The following OLFML2A variants were observed in gnomAD, a reference collection of about 807,000 sequenced individuals.
OLFML2A encodes the protein olfactomedin-like protein 2A.
Under a neutral mutation model 60.9 loss-of-function variants are expected in OLFML2A, and 47 were observed. That is an observed-to-expected ratio of 0.77 (90% CI 0.61 to 0.98). OLFML2A has a LOEUF of 0.98. Among genes scored for constraint, OLFML2A ranks in the 50% least tolerant of loss-of-function variants. OLFML2A has a pLI of 0.00. For missense variants in OLFML2A, 922 were observed against 879.8 expected, an observed-to-expected ratio of 1.05 and a Z score of -0.61; for synonymous variants, 372 against 375.0, an observed-to-expected ratio of 0.99 and a Z score of 0.09.
In OLFML2A at chr9:124,810,441, C is replaced by A; in HGVS notation, c.*29C>A. On this transcript the variant is annotated 3_prime_UTR_variant, in exon 8 of 8. Coordinates refer to ENST00000373580, the MANE Select transcript of OLFML2A (RefSeq NM_182487.4). Reference sequence around the variant, plus strand: ...GAGACCTGTGCTCCCCGGAGAGGGGCAGCAGTGCGGGAGGGGCTTTGCACA... The same window carrying A: ...GAGACCTGTGCTCCCCGGAGAGGGGAAGCAGTGCGGGAGGGGCTTTGCACA... 6.4e-7 allele frequency: 1 copy of A among 1,567,462 alleles called. No individual in the cohort carries two copies. The highest frequency in any genetic ancestry group is 8.6e-7 in the Non-Finnish European group (1 of 1,160,828).
chr9:124,801,121 C>G (rs898010018), intron 4 of OLFML2A: 25 of 1,456,836 alleles, frequency 1.7e-5, no homozygotes, highest in Non-Finnish European at 2.3e-5. Context: ...GTCCTTCTAG[C>G]CTGCCCCCCA....
intron 5 of OLFML2A, among the ~76,000 whole-genome samples, chr9:124,803,587 C>T (rs1257920283): frequency 6.6e-6 from 1 of 152,164 alleles, no homozygotes; most frequent in Non-Finnish European, 1.5e-5. Context: ...TCGTTCATGC[C>T]GTCTCATTTG....
intron 3 of OLFML2A, among the ~76,000 whole-genome samples, chr9:124,798,248 T>C (rs1250334596): frequency 6.6e-6 from 1 of 152,206 alleles, no homozygotes; most frequent in East Asian, 1.9e-4. Context: ...ACGCCTGTAA[T>C]CCCAGCACTT....
Position 124,777,289 on chromosome 9 carries a change from C to A in OLFML2A, c.19C>A (p.Pro7Thr). The A allele has an allele frequency of 8.0e-7, 1 of 1,257,408 alleles. No homozygotes were observed. The highest frequency in any genetic ancestry group is 1.0e-6 in the Non-Finnish European group (1 of 994,050). The allele number at this position is 1,257,408 out of a possible 1,614,324, so 77.9% of individuals were successfully genotyped here. Residue 7 changes from proline (P) to threonine (T), a missense_variant, in exon 1 of 8, where the codon CCG becomes ACG. Transcript: ENST00000373580. The surrounding 1 kb of genome is among the most constrained non-coding windows in gnomAD (Gnocchi z 6.2). The stretch of plus-strand genomic sequence containing the variant: ...TGGCGCCATGGCCGCTGCCGCCCTC[C>A]CGCCCCGGCCGCTGCTCCTTCTGCC... MAAAAL[P>T]PRPLLLLPLV...
At chr9:124,790,508 C>T (rs1163752340) in intron 2 of OLFML2A, among the ~76,000 whole-genome samples, 1 of 152,130 alleles carries the variant, frequency 6.6e-6, no homozygotes, top group South Asian at 2.1e-4. Context: ...GTCCCCTGCC[C>T]ACTGAAGAAT....
At chr9:124,798,934 T>C (rs1841717256) in intron 3 of OLFML2A, among the ~76,000 whole-genome samples, 1 of 152,152 alleles carries the variant, frequency 6.6e-6, no homozygotes, top group Non-Finnish European at 1.5e-5. Flanking sequence ...TGTGTTCCCG[T>C]AAATATACAG....
At chr9:124,808,651 G>A (rs1281794512) in intron 7 of OLFML2A, among the ~76,000 whole-genome samples, 1 of 152,130 alleles carries the variant, frequency 6.6e-6, no homozygotes, top group African/African-American at 2.4e-5. Context: ...ATGCTGAGCT[G>A]GGCCCTGGAA....
chr9:124,803,519 C>A (rs1283733762), intron 5 of OLFML2A, among the ~76,000 whole-genome samples: 3 of 152,224 alleles, frequency 2.0e-5, no homozygotes, highest in Non-Finnish European at 4.4e-5. Flanking sequence ...CCGGCCTCAG[C>A]CTCCCAAAAT....
At chr9:124,782,258 C>T (rs1841374987) in intron 1 of OLFML2A, among the ~76,000 whole-genome samples, 1 of 152,190 alleles carries the variant, frequency 6.6e-6, no homozygotes, top group African/African-American at 2.4e-5. Flanking sequence ...TCAGGCCATG[C>T]TGTGTGACCC....
chr9:124,781,515 C>T (rs1161152606), intron 1 of OLFML2A, among the ~76,000 whole-genome samples: 1 of 152,116 alleles, frequency 6.6e-6, no homozygotes, highest in South Asian at 2.1e-4. Flanking sequence ...ACAAGTTGGG[C>T]GGGCGTGGTG....
Position 124,799,343 on chromosome 9 carries a change from T to C in OLFML2A, c.521T>C (p.Leu174Pro). The change falls in exon 4 of 8, where the codon CTC (leucine) becomes CCC (proline). Residue 174 changes from leucine (L) to proline (P), a missense_variant. Transcript: ENST00000373580. ...NEVVKDSVRHLSEQLRHYENH... is the reference protein window; with the variant it reads ...NEVVKDSVRHPSEQLRHYENH... ...GTGGTGAAGGACAGCGTGCGCCACCTCAGTGAGCAGTTGAGGCACTATGAG... is the reference window on the plus strand; with the variant it reads ...GTGGTGAAGGACAGCGTGCGCCACCCCAGTGAGCAGTTGAGGCACTATGAG... 4 of 1,613,706 alleles carry C rather than the reference T, an allele frequency of 2.5e-6. No homozygotes were observed. Among genetic ancestry groups the C allele is most frequent in the Non-Finnish European group, 3.4e-6 (4 of 1,179,870 alleles).
chr9:124,781,651 G>A (rs1223030371), intron 1 of OLFML2A, among the ~76,000 whole-genome samples: 6 of 152,074 alleles, frequency 3.9e-5, no homozygotes, highest in Non-Finnish European at 8.8e-5. Context: ...AAAATTAGCC[G>A]AGCATGGTGG....
rs56823893 is a variant in OLFML2A at position 124,807,294 on chromosome 9, C to CTT, written c.1169-476_1169-475dup. ...TGAAGATTTTTATTTTCTCCATTCT[C>CTT]TTTTTTTTTTTTGAGAAGAGTTTCA... On this transcript the variant is annotated intron_variant, in intron 6 of 7. Coordinates refer to ENST00000373580, the MANE Select transcript of OLFML2A (RefSeq NM_182487.4). Among the ~76,000 whole-genome samples the CTT allele has an allele frequency of 1.1e-3, 154 of 136,160 alleles. 1 individual carries two copies. The highest frequency in any genetic ancestry group is 2.1e-3 in the Non-Finnish European group (135 of 64,660). The allele number at this position is 136,160 out of a possible 152,430, so 89.3% of individuals were successfully genotyped here. A position where few individuals can be genotyped will look rare whatever the true frequency, so the allele number is the denominator to read the frequency against.
At chr9:124,799,879 A>T (rs1019085721) in intron 4 of OLFML2A, among the ~76,000 whole-genome samples, 1 of 152,182 alleles carries the variant, frequency 6.6e-6, no homozygotes, top group African/African-American at 2.4e-5. Context: ...GGCTGGGTTG[A>T]GCCTGCTCAG....
In OLFML2A at chr9:124,807,826, C is replaced by G. The variant is rs370679110; in HGVS notation, c.1214C>G (p.Pro405Arg). Reference protein sequence around the residue: ...CEGTLRAVDPPVRHHSYGRHE... With the variant: ...CEGTLRAVDPRVRHHSYGRHE... ...GGCACCCTCCGGGCTGTGGACCCCC[C>G]TGTGAGGCACCACAGCTATGGGCGC... The change falls in exon 7 of 8, where the codon CCT becomes CGT. Residue 405 changes from proline to arginine, a missense_variant. Transcript: ENST00000373580. The G allele has an allele frequency of 6.2e-7, 1 of 1,613,850 alleles. No homozygotes were observed. Among genetic ancestry groups the G allele is most frequent in the African/African-American group, 1.3e-5 (1 of 74,932 alleles).
intron 1 of OLFML2A, among the ~76,000 whole-genome samples, chr9:124,783,859 C>A (rs574332679): frequency 3.9e-5 from 6 of 152,032 alleles, no homozygotes; most frequent in Admixed American, 1.3e-4. Context: ...ATTTCAGGTA[C>A]TAATAGGTGC....
intron 2 of OLFML2A, among the ~76,000 whole-genome samples, chr9:124,790,229 G>T (rs773967565): frequency 6.6e-6 from 1 of 151,836 alleles, no homozygotes; most frequent in Admixed American, 6.6e-5. Flanking sequence ...GTGCAATGGC[G>T]CGATCTCAGC....
In OLFML2A at chr9:124,779,165, A is replaced by G. The variant is rs1420154393; in HGVS notation, c.90+1805A>G. Among the ~76,000 whole-genome samples the G allele has an allele frequency of 2.6e-5, 4 of 152,194 alleles. No individual in the cohort carries two copies. The highest frequency in any genetic ancestry group is 5.9e-5 in the Non-Finnish European group (4 of 68,032). ...ACAGAGGCAGCTGGCTTGTACATTT[A>G]AAACCCTAGGTTCTGGCCTTCCTCT... is the stretch of plus-strand genomic sequence containing the variant. On this transcript the variant is annotated intron_variant, in intron 1 of 7. Transcript: ENST00000373580. The surrounding 1 kb of genome is among the most constrained non-coding windows in gnomAD (Gnocchi z 4.1).
chr9:124,777,473 G>A lies in OLFML2A; in HGVS notation c.90+113G>A, dbSNP rs1253279346. On this transcript the variant is annotated intron_variant, in intron 1 of 7. Transcript: ENST00000373580. This position sits in a 1 kb window ranked among gnomAD's most constrained non-coding sequence, Gnocchi z 6.2. ...CGGGGCCAGGGCGGAGGAGCCGGGA[G>A]CTGAGAGACCGAACCTGGGACTTCT... 54 of 1,098,806 alleles carry A rather than the reference G, an allele frequency of 4.9e-5. No individual in the cohort carries two copies. Among genetic ancestry groups the A allele is most frequent in the Non-Finnish European group, 6.1e-5 (53 of 874,382 alleles). 68.1% of individuals were successfully genotyped at this position (1,098,806 alleles called of 1,614,324 possible). A position where few individuals can be genotyped will look rare whatever the true frequency, so the allele number is the denominator to read the frequency against.
Sources: gnomAD v4.1 joint callset for allele counts (sites outside exome capture counted in the v4.1 genomes callset) on GRCh38, gnomAD v4.1.1 for gene constraint, Gnocchi (gnomAD v3.1) non-coding constraint, MANE v1.5 for transcripts, NCBI Gene and HGNC (gene_info 2026-07-23, HGNC 2026-07-21) for gene names.